Variants in CHN1 observed in about 807,000 individuals in gnomAD.
The protein encoded by CHN1 is N-chimaerin.
A neutral mutation model predicts 59.5 loss-of-function variants in CHN1; 37 were observed. The ratio of observed to expected loss-of-function variants is 0.62; its 90% confidence interval spans 0.48 to 0.82. The LOEUF is 0.82. Among genes scored for constraint, CHN1 ranks in the 40% least tolerant of loss-of-function variants. The pLI is 0.00. For missense variants in CHN1, 469 were observed against 571.0 expected, an observed-to-expected ratio of 0.82 and a Z score of 1.82; for synonymous variants, 206 against 200.4, an observed-to-expected ratio of 1.03 and a Z score of -0.24.
chr2:174,819,405 A>G (rs1685399814), intron 8 of CHN1, among the ~76,000 whole-genome samples: 1 of 152,238 alleles, frequency 6.6e-6, no homozygotes, highest in African/African-American at 2.4e-5. Context: ...ACTTTCATAA[A>G]TAACCAACAT....
At chr2:174,863,698 ATATC>A (rs1687131928) in intron 6 of CHN1, among the ~76,000 whole-genome samples, 1 of 152,198 alleles carries the variant, frequency 6.6e-6, no homozygotes, top group Non-Finnish European at 1.5e-5. Flanking sequence ...TCAGAACCGC[ATATC>A]TAATCTATCA....
intron 2 of CHN1, among the ~76,000 whole-genome samples, chr2:174,948,401 A>C (rs1056978130): frequency 5.3e-5 from 8 of 152,200 alleles, no homozygotes; most frequent in Admixed American, 3.3e-4. Context: ...TATTACATGT[A>C]AGGTTCCTGG....
chr2:174,969,100 C>G (rs1354110152), intron 1 of CHN1, among the ~76,000 whole-genome samples: 3 of 152,136 alleles, frequency 2.0e-5, no homozygotes, highest in Admixed American at 2.0e-4. Context: ...ATCCTGCATT[C>G]CAGCACAAAT....
At chr2:174,972,024 C>A (rs1252523473) in intron 1 of CHN1, among the ~76,000 whole-genome samples, 2 of 152,168 alleles carry the variant, frequency 1.3e-5, no homozygotes, top group Non-Finnish European at 2.9e-5. Context: ...AAGGGCCCGA[C>A]AACTATCACT....
intron 11 of CHN1, among the ~76,000 whole-genome samples, chr2:174,802,450 A>G (rs1260930426): frequency 2.0e-5 from 3 of 152,264 alleles, no homozygotes; most frequent in South Asian, 2.1e-4. Flanking sequence ...GACATTCAGA[A>G]GAATGCACGG....
intron 3 of CHN1, 146 bp from the exon 4 acceptor site, chr2:174,918,711 G>C (rs565513257): frequency 5.1e-6 from 3 of 589,692 alleles, no homozygotes; most frequent in South Asian, 6.0e-5. Context: ...TCTACCAGCA[G>C]GTTACCTGTG....
At chr2:174,878,188 A>G (rs906506155) in intron 5 of CHN1, 60 bp from the exon 6 acceptor site, 22 of 1,395,470 alleles carry the variant, frequency 1.6e-5, no homozygotes, top group Admixed American at 2.6e-5. Flanking sequence ...ATTCTTTCTG[A>G]AAAAAAAACA....
intron 8 of CHN1, among the ~76,000 whole-genome samples, chr2:174,817,751 C>G (rs1301275229): frequency 6.6e-6 from 1 of 151,774 alleles, no homozygotes; most frequent in East Asian, 1.9e-4. Context: ...CATTCTTCTG[C>G]CTCAGTCTCC....
chr2:174,873,264 G>A (rs757319642), intron 6 of CHN1, among the ~76,000 whole-genome samples: 2 of 152,056 alleles, frequency 1.3e-5, no homozygotes, highest in African/African-American at 4.8e-5. Flanking sequence ...GGGGGAGAGC[G>A]AGAAGTGGAT....
chr2:174,829,487 A>C (rs1349261561), intron 7 of CHN1, among the ~76,000 whole-genome samples: 1 of 152,260 alleles, frequency 6.6e-6, no homozygotes, highest in African/African-American at 2.4e-5. Flanking sequence ...CAGCATTCAT[A>C]TCTCCAGTTT....
At chr2:174,865,648 T>C (rs988277453) in intron 6 of CHN1, among the ~76,000 whole-genome samples, 2 of 152,280 alleles carry the variant, frequency 1.3e-5, no homozygotes, top group East Asian at 1.9e-4. Context: ...TAGAAATGTA[T>C]AGTAGGGAGC....
intron 1 of CHN1, among the ~76,000 whole-genome samples, chr2:175,002,797 T>C (rs923153476): frequency 1.3e-5 from 2 of 152,218 alleles, no homozygotes; most frequent in African/African-American, 4.8e-5. Context: ...CACAGAACTT[T>C]ATTGCTCCAT....
intron 5 of CHN1, among the ~76,000 whole-genome samples, chr2:174,891,083 G>A (rs536258378): frequency 6.9e-4 from 95 of 136,894 alleles, no homozygotes; most frequent in African/African-American, 2.5e-3. Flanking sequence ...AGAGCTTGCA[G>A]TGAGCCGAGA....
Position 174,968,461 on chromosome 2 carries a change from T to C in CHN1, c.20-16259A>G, listed in dbSNP as rs1690657945. On this transcript the variant is annotated intron_variant, in intron 1 of 12. Coordinates refer to ENST00000409900, the MANE Select transcript of CHN1 (RefSeq NM_001822.7). ...ACAAATGAGCGGAGTTGGATAATTC[T>C]AAAGCACGTTAACTATCCTAAAGTA... Among the ~76,000 whole-genome samples, 3 of 152,270 alleles carry C rather than the reference T, an allele frequency of 2.0e-5. No individual in the cohort carries two copies. In the South Asian group the frequency reaches 6.2e-4, roughly 31 times the overall value.
intron 10 of CHN1, 163 bp downstream of exon 10, chr2:174,811,348 T>A (rs768065253): frequency 4.2e-5 from 23 of 541,666 alleles, no homozygotes; most frequent in Admixed American, 6.9e-5. Flanking sequence ...GTTTAATACT[T>A]ACAACTCAGA....
chr2:174,909,686 G>C (rs1688634545), intron 5 of CHN1, among the ~76,000 whole-genome samples: 1 of 152,182 alleles, frequency 6.6e-6, no homozygotes, highest in Non-Finnish European at 1.5e-5. Context: ...AACATCACTA[G>C]AATACTGACC....
chr2:174,837,958 AC>A (rs1686148907), intron 7 of CHN1, among the ~76,000 whole-genome samples: 3 of 152,230 alleles, frequency 2.0e-5, no homozygotes, highest in South Asian at 2.1e-4. Context: ...ATGAACACCA[AC>A]TAATGATACT....
intron 3 of CHN1, among the ~76,000 whole-genome samples, chr2:174,926,628 T>C (rs915156843): frequency 4.6e-5 from 7 of 152,242 alleles, no homozygotes; most frequent in Non-Finnish European, 1.0e-4. Flanking sequence ...GATGGAAAAA[T>C]GCAGATTCAC....
Position 174,960,817 on chromosome 2 carries a change from G to A in CHN1, c.20-8615C>T, listed in dbSNP as rs541315071. 9.2e-5 allele frequency among the ~76,000 whole-genome samples: 14 copies of A among 151,728 alleles called. No individual in the cohort carries two copies. In the South Asian group the frequency reaches 1.0e-3, roughly 11 times the overall value. ...GACCTGGGCGACAGAGCGTGACTCC[G>A]TCTCAAAAAAAATGAAAATAAAAAC... On this transcript the variant is annotated intron_variant, in intron 1 of 12. Coordinates refer to ENST00000409900, the MANE Select transcript of CHN1 (RefSeq NM_001822.7).
Sources: allele counts gnomAD v4.1 joint callset (sites outside exome capture counted in the v4.1 genomes callset), GRCh38; gene constraint gnomAD v4.1.1; transcripts MANE v1.5; gene names NCBI Gene and HGNC (gene_info 2026-07-23, HGNC 2026-07-21).